CHST9: variants seen among roughly 807,000 people sequenced by gnomAD.
CHST9 encodes GalNAc-4-sulfotransferase 2.
A neutral mutation model predicts 44.4 loss-of-function variants in CHST9; 41 were observed. The observed-to-expected ratio is 0.92, with a 90% CI of 0.72 to 1.20. The LOEUF (loss-of-function observed/expected upper bound fraction) is 1.20. CHST9 is among the 50% of genes most tolerant of loss of function. CHST9 has a pLI of 0.00. For missense variants in CHST9, 504 were observed against 516.5 expected (o/e 0.98, Z 0.23); for synonymous variants, 171 against 178.4 (o/e 0.96, Z 0.33).
chr18:26,969,144 G>A lies in CHST9; in HGVS notation c.203-24778C>T, dbSNP rs569283820. ...CTCCCAAGTAGTTGGGACTACAGGC[G>A]CCCGCCACCGTGCCTGGCTAATTTA... On this transcript the variant is annotated intron_variant, in intron 4 of 5. Transcript: ENST00000618847. 2.0e-5 allele frequency among the ~76,000 whole-genome samples: 3 copies of A among 151,962 alleles called. No homozygotes were observed. The South Asian group carries it at 6.2e-4, about 32-fold the overall frequency.
chr18:26,925,794 A>G (rs1395601339), intron 5 of CHST9: 1 of 152,198 alleles, frequency 6.6e-6, no homozygotes, highest in East Asian at 1.9e-4. Flanking sequence ...CTCCATAAAT[A>G]TTAGATTTTT....
At chr18:27,178,083 T>C (rs1214565944) in intron 1 of CHST9, among the ~76,000 whole-genome samples, 1 of 152,002 alleles carries the variant, frequency 6.6e-6, no homozygotes, top group African/African-American at 2.4e-5. Context: ...TGAGGTTGAA[T>C]GTTGGGCCAT....
chr18:26,945,332 A>G (rs2056146518), intron 4 of CHST9, among the ~76,000 whole-genome samples: 1 of 152,230 alleles, frequency 6.6e-6, no homozygotes, highest in Non-Finnish European at 1.5e-5. Context: ...GTACAATATT[A>G]CAACCAAGGT....
intron 4 of CHST9, among the ~76,000 whole-genome samples, chr18:26,990,195 A>G (rs1199704994): frequency 6.6e-6 from 1 of 152,206 alleles, no homozygotes; most frequent in East Asian, 1.9e-4. Context: ...TAGAAAATAT[A>G]AAATGACCTA....
chr18:27,024,345 C>T (rs1043128935), intron 3 of CHST9, among the ~76,000 whole-genome samples, 188 bp from the exon 4 acceptor site: 36 of 151,980 alleles, frequency 2.4e-4, no homozygotes, highest in Admixed American at 4.6e-4. Context: ...AGCTTGGTGT[C>T]ACTTATTAGG....
At chr18:26,948,831 G>A (rs1267191801) in intron 4 of CHST9, among the ~76,000 whole-genome samples, 1 of 152,154 alleles carries the variant, frequency 6.6e-6, no homozygotes, top group East Asian at 1.9e-4. Flanking sequence ...AGGGAGTTGG[G>A]GCAGGACAAG....
At chr18:27,015,784 C>A (rs1008029780) in intron 4 of CHST9, among the ~76,000 whole-genome samples, 1 of 152,048 alleles carries the variant, frequency 6.6e-6, no homozygotes, top group Non-Finnish European at 1.5e-5. Flanking sequence ...TAGTAGAATT[C>A]TCTGCTTCTT....
intron 4 of CHST9, among the ~76,000 whole-genome samples, chr18:26,986,784 T>C (rs908335602): frequency 6.6e-6 from 1 of 152,168 alleles, no homozygotes; most frequent in Non-Finnish European, 1.5e-5. Context: ...AACAACTCTA[T>C]AGTACTGAAA....
chr18:27,148,432 C>A (rs374671747), intron 1 of CHST9, among the ~76,000 whole-genome samples: 3 of 135,158 alleles, frequency 2.2e-5, no homozygotes, highest in Non-Finnish European at 3.2e-5. Flanking sequence ...AACAGTCCCC[C>A]GTGTGTGATG....
intron 4 of CHST9, among the ~76,000 whole-genome samples, chr18:26,977,745 T>A (rs1236324161): frequency 6.6e-6 from 1 of 152,148 alleles, no homozygotes; most frequent in African/African-American, 2.4e-5. Flanking sequence ...TTTCATTAGG[T>A]CAGGGATATT....
At chr18:27,133,820 G>A (rs990279148) in intron 2 of CHST9, among the ~76,000 whole-genome samples, 9 of 152,236 alleles carry the variant, frequency 5.9e-5, no homozygotes, top group South Asian at 2.1e-4. Context: ...CCAAGGAAAC[G>A]TGCTCCAGGA....
At chr18:27,146,172 G>A (rs1199199108) in intron 1 of CHST9, among the ~76,000 whole-genome samples, 4 of 152,170 alleles carry the variant, frequency 2.6e-5, no homozygotes, top group Admixed American at 2.6e-4. Context: ...TACCTACGAT[G>A]CTGGAAAAAG....
intron 4 of CHST9, among the ~76,000 whole-genome samples, chr18:26,978,071 A>T (rs2056645198): frequency 6.6e-6 from 1 of 151,056 alleles, no homozygotes; most frequent in South Asian, 2.1e-4. Flanking sequence ...TCTCAAAGAC[A>T]TCTGCTCTTT....
intron 2 of CHST9, among the ~76,000 whole-genome samples, chr18:27,103,778 G>GCTA (rs2058195922): frequency 6.6e-6 from 1 of 152,080 alleles, no homozygotes; most frequent in Admixed American, 6.6e-5. Context: ...AGAGTCCAAG[G>GCTA]CAAGTAATTA....
intron 2 of CHST9, among the ~76,000 whole-genome samples, chr18:27,117,874 A>G (rs1212156074): frequency 6.6e-6 from 1 of 152,222 alleles, no homozygotes; most frequent in Non-Finnish European, 1.5e-5. Flanking sequence ...TATGTTTTGC[A>G]TAGATACAAG....
intron 4 of CHST9, among the ~76,000 whole-genome samples, chr18:26,967,180 C>G (rs1352990048): frequency 6.6e-6 from 1 of 152,150 alleles, no homozygotes; most frequent in Non-Finnish European, 1.5e-5. Context: ...CACCCTTAGT[C>G]ACACCCCCTA....
At chr18:27,136,806 C>T (rs1490792960) in intron 2 of CHST9, among the ~76,000 whole-genome samples, 1 of 151,942 alleles carries the variant, frequency 6.6e-6, no homozygotes, top group Non-Finnish European at 1.5e-5. Flanking sequence ...AAGTATTGGT[C>T]CTAGATAGAA....
rs1416606145 is a variant in CHST9 at position 26,917,102 on chromosome 18, G to T, written c.489C>A (p.Val163=). Residue 163 remains valine (V), a synonymous_variant, in exon 6 of 6, where the codon GTC becomes GTA. Transcript: ENST00000618847. ...VDIHPLNKSL[V]KDNKWKKTEE... ...CAGTTTTCTTCCATTTATTATCTTTGACTAAACTTTTGTTTAAAGGGTGAA... is the reference window on the plus strand; with the variant it reads ...CAGTTTTCTTCCATTTATTATCTTTTACTAAACTTTTGTTTAAAGGGTGAA... 13 of 1,613,688 alleles carry T rather than the reference G, an allele frequency of 8.1e-6. No homozygotes were observed. The highest frequency in any genetic ancestry group is 1.1e-5 in the Non-Finnish European group (13 of 1,179,850).
chr18:26,932,496 T>C (rs2055896126), intron 5 of CHST9, among the ~76,000 whole-genome samples: 1 of 152,062 alleles, frequency 6.6e-6, no homozygotes, highest in Non-Finnish European at 1.5e-5. Flanking sequence ...CTGCAAAAAA[T>C]CTGGGAGAAC....
Sources: allele counts gnomAD v4.1 joint callset (sites outside exome capture counted in the v4.1 genomes callset), GRCh38; gene constraint gnomAD v4.1.1; transcripts MANE v1.5; gene names NCBI Gene and HGNC (gene_info 2026-07-23, HGNC 2026-07-21).